C3orf70: variants seen among roughly 807,000 people sequenced by gnomAD.
C3orf70 encodes UPF0524 protein C3orf70.
C3orf70 carries 15 observed loss-of-function variants against 20.7 expected under a neutral mutation model. The ratio of observed to expected loss-of-function variants is 0.72; its 90% CI spans 0.48 to 1.11. C3orf70 has a LOEUF of 1.11. Ranked by LOEUF, C3orf70 falls within the 50% of genes most tolerant of loss-of-function variation. The probability of loss-of-function intolerance (pLI) is 0.00; values close to 1 mark genes in which losing one functional copy is unlikely to be tolerated. For missense variants in C3orf70, 332 were observed against 317.6 expected, an observed-to-expected ratio of 1.05 and a Z score of -0.34; for synonymous variants, 161 against 125.7, an observed-to-expected ratio of 1.28 and a Z score of -1.88.
intron 1 of C3orf70, among the ~76,000 whole-genome samples, chr3:185,104,363 T>C (rs547314120): frequency 1.3e-5 from 2 of 152,344 alleles, no homozygotes; most frequent in African/African-American, 4.8e-5. Context: ...GGAATGCTTA[T>C]ACACTGTTGG....
chr3:185,148,014 C>T (rs1716910703), intron 1 of C3orf70, among the ~76,000 whole-genome samples: 1 of 152,190 alleles, frequency 6.6e-6, no homozygotes, highest in African/African-American at 2.4e-5. Context: ...TCTTCTCTAG[C>T]CATCTCTTCT....
intron 1 of C3orf70, among the ~76,000 whole-genome samples, chr3:185,091,882 T>C (rs1292283275): frequency 8.1e-6 from 1 of 123,646 alleles, no homozygotes. Context: ...ATATATATAA[T>C]ATATATACAC....
chr3:185,091,987 C>A (rs1373105778), intron 1 of C3orf70, among the ~76,000 whole-genome samples: 4 of 107,922 alleles, frequency 3.7e-5, no homozygotes, highest in African/African-American at 7.0e-5. Flanking sequence ...TTAGTAGAGA[C>A]AGGGTTTCAC....
At position 185,083,457 on chromosome 3, in the gene C3orf70, G is replaced by T; in HGVS notation, c.303C>A (p.Leu101=). Residue 101 remains leucine, a synonymous_variant, in exon 2 of 2, where the codon CTC becomes CTA. Transcript: ENST00000335012. ...ATGCAAATTTCAAAAAGTGTTCGGT[G>T]AGCGAGACTGAGATCTGAATGGTGT... The part of the protein sequence containing the change: ...PTNTIQISVS[L]TEHFLKFASV... The T allele has an allele frequency of 1.2e-6, 2 of 1,614,100 alleles. No homozygotes were observed. The highest frequency in any genetic ancestry group is 2.7e-5 in the African/African-American group (2 of 75,030).
At chr3:185,142,158 G>GA (rs1363318827) in intron 1 of C3orf70, among the ~76,000 whole-genome samples, 31 of 150,952 alleles carry the variant, frequency 2.1e-4, no homozygotes, top group African/African-American at 6.6e-4. Context: ...ATAACACACT[G>GA]AAAAAAAAAG....
chr3:185,093,579 A>T (rs1004207644), intron 1 of C3orf70, among the ~76,000 whole-genome samples: 1 of 152,192 alleles, frequency 6.6e-6, no homozygotes, highest in Non-Finnish European at 1.5e-5. Context: ...TGGGTCACAT[A>T]AACATCCACG....
chr3:185,143,556 ACAT>A (rs754526170), intron 1 of C3orf70, among the ~76,000 whole-genome samples: 7 of 152,186 alleles, frequency 4.6e-5, no homozygotes, highest in Non-Finnish European at 8.8e-5. Flanking sequence ...CAGATATTAC[ACAT>A]TTTTGGCAGT....
chr3:185,144,935 G>A (rs932278168), intron 1 of C3orf70, among the ~76,000 whole-genome samples: 7 of 152,192 alleles, frequency 4.6e-5, no homozygotes, highest in Non-Finnish European at 1.0e-4. Flanking sequence ...CTAGTTTTCA[G>A]AAGAGTACAG....
Position 185,143,452 on chromosome 3 carries a change from C to A in C3orf70, c.196+9176G>T, listed in dbSNP as rs564347710. On this transcript the variant is annotated intron_variant, in intron 1 of 1. Transcript: ENST00000335012. ...AAACACCCAGTTTTAAATGGACAAA[C>A]AAGCACTAGAGAGGTTAAAGAATTT... Among the ~76,000 whole-genome samples the A allele has an allele frequency of 2.0e-5, 3 of 152,212 alleles. No individual in the cohort carries two copies. The South Asian group carries it at 6.2e-4, about 32-fold the overall frequency.
chr3:185,105,369 G>A (rs1715912718), intron 1 of C3orf70, among the ~76,000 whole-genome samples: 1 of 152,240 alleles, frequency 6.6e-6, no homozygotes, highest in Non-Finnish European at 1.5e-5. Flanking sequence ...ACTCAGGGTG[G>A]AAAACCGCTT....
At chr3:185,148,698 A>C (rs1716924882) in intron 1 of C3orf70, among the ~76,000 whole-genome samples, 1 of 152,204 alleles carries the variant, frequency 6.6e-6, no homozygotes, top group East Asian at 1.9e-4. Flanking sequence ...GGGAAAAATT[A>C]AGTTACACAT....
intron 1 of C3orf70, among the ~76,000 whole-genome samples, chr3:185,149,412 A>AC (rs398040141): frequency 6.6e-6 from 1 of 151,274 alleles, no homozygotes; most frequent in Non-Finnish European, 1.5e-5. Flanking sequence ...AAAAAAAAAA[A>AC]CAGTAAATAC....
intron 1 of C3orf70, among the ~76,000 whole-genome samples, chr3:185,087,298 T>G (rs968595534): frequency 5.9e-5 from 9 of 152,226 alleles, no homozygotes; most frequent in Non-Finnish European, 1.3e-4. Flanking sequence ...AGCATCAGTT[T>G]GATCCAGCAA....
At chr3:185,126,920 T>C (rs551571738) in intron 1 of C3orf70, among the ~76,000 whole-genome samples, 1 of 152,198 alleles carries the variant, frequency 6.6e-6, no homozygotes, top group Admixed American at 6.5e-5. Flanking sequence ...GATAATCACG[T>C]GATAAAAATA....
intron 1 of C3orf70, among the ~76,000 whole-genome samples, chr3:185,120,164 A>G (rs1319768595): frequency 1.3e-5 from 2 of 152,222 alleles, no homozygotes. Flanking sequence ...GTATAAATAC[A>G]TTTCTGTCTA....
chr3:185,152,965 C>A lies in C3orf70; in HGVS notation c.-142G>T. 1 of 672,274 alleles carries A rather than the reference C, an allele frequency of 1.5e-6. No individual in the cohort carries two copies. Among genetic ancestry groups the A allele is most frequent in the Non-Finnish European group, 2.1e-6 (1 of 484,372 alleles). 41.6% of individuals were successfully genotyped at this position (672,274 alleles called of 1,614,324 possible). A position where few individuals can be genotyped will look rare whatever the true frequency, so the allele number is the denominator to read the frequency against. Reference sequence around the variant, plus strand: ...CCAGCACGCGGCGGCGGCGGGAGCGCGGCGGTCCCAGGCTCGAGGAGGAGC... The same window carrying A: ...CCAGCACGCGGCGGCGGCGGGAGCGAGGCGGTCCCAGGCTCGAGGAGGAGC... On this transcript the variant is annotated 5_prime_UTR_variant, in exon 1 of 2. Coordinates refer to ENST00000335012, the MANE Select transcript of C3orf70 (RefSeq NM_001025266.3).
At chr3:185,134,125 A>ATATATATATATATT (rs71298570) in intron 1 of C3orf70, among the ~76,000 whole-genome samples, 23 of 145,936 alleles carry the variant, frequency 1.6e-4, no homozygotes, top group African/African-American at 5.1e-4. Flanking sequence ...TCATATATAT[A>ATATATATATATATT]TAGAGGAGAT....
chr3:185,098,012 TG>T (rs1715746812), intron 1 of C3orf70, among the ~76,000 whole-genome samples: 1 of 152,154 alleles, frequency 6.6e-6, no homozygotes, highest in African/African-American at 2.4e-5. Context: ...CCATGCATGA[TG>T]GGGTTTTTAA....
rs1553918670 is a variant in C3orf70, at chr3:185,077,797, G to GGGC, written c.*5209_*5210insGCC. On this transcript the variant is annotated 3_prime_UTR_variant, in exon 2 of 2. Transcript: ENST00000335012. Reference sequence around the variant, plus strand: ...ATGCTATTTGGTGGTGGTGGGGGGGGGGTATCAAGTTTTATTTGCTATAAA... The same window carrying GGGC: ...ATGCTATTTGGTGGTGGTGGGGGGGGGGCGGTATCAAGTTTTATTTGCTATAAA... 6.7e-6 allele frequency among the ~76,000 whole-genome samples: 1 copy of GGGC among 150,304 alleles called. No homozygotes were observed. The highest frequency in any genetic ancestry group is 1.5e-5 in the Non-Finnish European group (1 of 67,634).
Sources: gnomAD v4.1 joint callset for allele counts (sites outside exome capture counted in the v4.1 genomes callset) on GRCh38, gnomAD v4.1.1 for gene constraint, MANE v1.5 for transcripts, NCBI Gene and HGNC (gene_info 2026-07-23, HGNC 2026-07-21) for gene names.